Variants in XPC observed in about 807,000 individuals in gnomAD.
XPC encodes the protein DNA repair protein complementing XP-C cells.
A neutral mutation model predicts 95.8 loss-of-function variants in XPC; 76 were observed. The observed-to-expected ratio is 0.79, with a 90% confidence interval of 0.66 to 0.96. XPC has a LOEUF of 0.96. XPC is among the 40% of genes least tolerant of loss of function. The pLI, the probability that XPC is intolerant of heterozygous loss-of-function variation, is 0.00. For missense variants in XPC, 1,146 were observed against 1,179.8 expected (o/e 0.97, Z 0.42); for synonymous variants, 442 against 442.1 (o/e 1.00, Z 0.00).
At chr3:14,165,955 G>A (rs1331870690) in intron 5 of XPC, 1 of 261,920 alleles carries the variant, frequency 3.8e-6, no homozygotes, top group Non-Finnish European at 7.7e-6. Flanking sequence ...AAAGGCAAGT[G>A]GAGTGGAGCT....
intron 15 of XPC, 104 bp from the exon 16 acceptor site, chr3:14,146,263 T>A: frequency 9.2e-7 from 1 of 1,089,520 alleles, no homozygotes; most frequent in Non-Finnish European, 1.3e-6. Context: ...CTAAGCTGTG[T>A]AACTCTGGGA....
At chr3:14,147,470 T>C (rs915639953) in intron 14 of XPC, 91 bp from the exon 15 acceptor site, 1 of 1,219,422 alleles carries the variant, frequency 8.2e-7, no homozygotes, top group East Asian at 2.5e-5. Flanking sequence ...TAAAGACAGA[T>C]ATATACACCA....
At chr3:14,150,716 T>C (rs947535235) in intron 11 of XPC, among the ~76,000 whole-genome samples, 13 of 152,152 alleles carry the variant, frequency 8.5e-5, no homozygotes, top group Admixed American at 2.6e-4. Flanking sequence ...AGGCAAGCCA[T>C]TGCCCAGCCC....
intron 10 of XPC, chr3:14,152,694 G>A (rs1029278658): frequency 5.5e-6 from 2 of 364,068 alleles, no homozygotes; most frequent in Non-Finnish European, 5.0e-6. Flanking sequence ...CTTCTCCTCT[G>A]CTGTCCAGAG....
At chr3:14,169,801 A>G (rs1452777407) in intron 3 of XPC, among the ~76,000 whole-genome samples, 1 of 152,212 alleles carries the variant, frequency 6.6e-6, no homozygotes, top group Non-Finnish European at 1.5e-5. Context: ...AATGTTAATG[A>G]ACCTAGGTGA....
At chr3:14,159,260 T>G (rs1421757700) in intron 8 of XPC, among the ~76,000 whole-genome samples, 1 of 152,236 alleles carries the variant, frequency 6.6e-6, no homozygotes, top group African/African-American at 2.4e-5. Context: ...ACTACCCACC[T>G]TGGACATACG....
chr3:14,172,400 G>C (rs1418083185), intron 2 of XPC, among the ~76,000 whole-genome samples: 1 of 152,192 alleles, frequency 6.6e-6, no homozygotes, highest in Non-Finnish European at 1.5e-5. Context: ...GCATCTTCAA[G>C]ATGGAAGCCA....
chr3:14,150,766 C>T (rs1366256364), intron 11 of XPC, among the ~76,000 whole-genome samples: 1 of 152,188 alleles, frequency 6.6e-6, no homozygotes, highest in East Asian at 1.9e-4. Flanking sequence ...CAAAACAGGT[C>T]CCGCCTGAGC....
At position 14,178,485 on chromosome 3, in the gene XPC, C is replaced by T. The variant is rs1159124803; in HGVS notation, c.84G>A (p.Arg28=). Residue 28 remains arginine (R), a synonymous_variant, in exon 1 of 16, where the codon CGG becomes CGA. Transcript: ENST00000285021. Reference sequence around the variant, plus strand: ...TCTCACCCTCCTCCTCCTCCTCACGCCGGGCCTTGCTCTTGGCCTTGGATT... The same window carrying T: ...TCTCACCCTCCTCCTCCTCCTCACGTCGGGCCTTGCTCTTGGCCTTGGATT... The part of the protein sequence containing the change: ...SQKSKAKSKA[R]REEEEEDAFE... 1.2e-6 allele frequency: 2 copies of T among 1,611,310 alleles called. No individual in the cohort carries two copies. The highest frequency in any genetic ancestry group is 2.2e-5 in the East Asian group (1 of 44,868).
chr3:14,158,794 G>T lies in XPC; in HGVS notation c.1089C>A (p.Ser363Arg). The part of the protein sequence containing the change: ...VLENHTKPKT[S>R]KGTKQEETFA... ...AGGTTTCCTCTTGTTTGGTTCCTTT[G>T]CTGGTCTTTGGTTTGGTGTGGTTTT... is the stretch of plus-strand genomic sequence containing the variant. The change falls in exon 9 of 16, where the codon AGC becomes AGA. Residue 363 changes from serine to arginine, a missense_variant. Ser to Arg is a moderately radical substitution (Grantham distance 110). Coordinates refer to ENST00000285021, the MANE Select transcript of XPC (RefSeq NM_004628.5). This position sits in a 1 kb window ranked among gnomAD's most constrained non-coding sequence, Gnocchi z 5.2. 6.2e-7 allele frequency: 1 copy of T among 1,613,914 alleles called. No homozygotes were observed.
chr3:14,159,152 C>A (rs1417605467), intron 8 of XPC, among the ~76,000 whole-genome samples: 1 of 152,146 alleles, frequency 6.6e-6, no homozygotes, highest in Non-Finnish European at 1.5e-5. Context: ...GGGATTTGGA[C>A]AGCCAAACAT....
In XPC at chr3:14,158,143, A is replaced by G; in HGVS notation, c.1740T>C (p.Asp580=). 6.2e-7 allele frequency: 1 copy of G among 1,613,904 alleles called. No homozygotes were observed. The highest frequency in any genetic ancestry group is 8.5e-7 in the Non-Finnish European group (1 of 1,179,876). ...VGIDSDGWVR[D]VTQRYDPVWM... is the part of the protein sequence containing the mutation. ...AGACTGGGTCGTACCTCTGTGTGAC[A>G]TCTCGGACCCAGCCGTCACTGTCAA... The change falls in exon 9 of 16, where the codon GAT becomes GAC. Residue 580 remains aspartate (D), a synonymous_variant. Transcript: ENST00000285021. This position sits in a 1 kb window ranked among gnomAD's most constrained non-coding sequence, Gnocchi z 5.2.
rs1196212809 is a variant in XPC at position 14,148,499 on chromosome 3, C to T, written c.2420+63G>A. 10 of 1,585,040 alleles carry T rather than the reference C, an allele frequency of 6.3e-6. No individual in the cohort carries two copies. The East Asian group carries it at 1.1e-4, about 18-fold the overall frequency. The stretch of plus-strand genomic sequence containing the variant: ...GCAGCCCCATGCCAGCTTTCCATCC[C>T]CATCTCTGGAGCCACCCCTCCCCAT... On this transcript the variant is annotated intron_variant, in intron 13 of 15. Coordinates refer to ENST00000285021, the MANE Select transcript of XPC (RefSeq NM_004628.5).
In XPC at chr3:14,158,628, C is replaced by T. The variant is rs1696036090; in HGVS notation, c.1255G>A (p.Gly419Ser). 1 of 1,613,898 alleles carries T rather than the reference C, an allele frequency of 6.2e-7. No individual in the cohort carries two copies. The highest frequency in any genetic ancestry group is 2.2e-5 in the East Asian group (1 of 44,820). ...QEKATQRRPHGRERRVASRVS... is the reference protein window; with the variant it reads ...QEKATQRRPHSRERRVASRVS... ...CTGGAGGCCACCCGCCGCTCCCGGC[C>T]ATGCGGACGTCGCTGGGTTGCCTTC... Residue 419 changes from glycine (G) to serine (S), a missense_variant, in exon 9 of 16, where the codon GGC becomes AGC. By Grantham distance (56) the Gly-to-Ser change is moderately conservative. Coordinates refer to ENST00000285021, the MANE Select transcript of XPC (RefSeq NM_004628.5). This position sits in a 1 kb window ranked among gnomAD's most constrained non-coding sequence, Gnocchi z 5.2.
chr3:14,152,419 G>C lies in XPC; in HGVS notation c.2034-3C>G. ...AATGCAGAGTGTGCACACAATCCCT[G>C]TGGAACCAACACAGGACACAAAGGT... On this transcript the variant is annotated splice_polypyrimidine_tract_variant and splice_region_variant and intron_variant, in intron 10 of 15. Transcript: ENST00000285021. 1 of 1,609,592 alleles carries C rather than the reference G, an allele frequency of 6.2e-7. No individual in the cohort carries two copies. The highest frequency in any genetic ancestry group is 8.5e-7 in the Non-Finnish European group (1 of 1,177,980).
At position 14,166,346 on chromosome 3, in the gene XPC, C is replaced by T. The variant is rs547217351; in HGVS notation, c.622-761G>A. 4.6e-5 allele frequency among the ~76,000 whole-genome samples: 7 copies of T among 152,232 alleles called. No homozygotes were observed. The South Asian group carries it at 1.0e-3, about 23-fold the overall frequency. On this transcript the variant is annotated intron_variant, in intron 5 of 15. Coordinates refer to ENST00000285021, the MANE Select transcript of XPC (RefSeq NM_004628.5). ...TGAAAGGCACACAGCTGTCTCGTTT[C>T]GTGCCCCAGGCCTGGGTGAGGGAGG...
chr3:14,153,429 A>T (rs936930668), intron 10 of XPC: 3 of 152,230 alleles, frequency 2.0e-5, no homozygotes, highest in Non-Finnish European at 4.4e-5. Context: ...TTCGGTATTC[A>T]ATAAACTACA....
intron 11 of XPC, chr3:14,151,259 TCTC>T (rs1297308499): frequency 2.0e-5 from 3 of 152,192 alleles, no homozygotes; most frequent in African/African-American, 7.2e-5. Flanking sequence ...GATTTAAATA[TCTC>T]ATCAACACTT....
At chr3:14,173,941 T>C (rs1299398974) in intron 1 of XPC, among the ~76,000 whole-genome samples, 2 of 152,172 alleles carry the variant, frequency 1.3e-5, no homozygotes, top group Admixed American at 6.5e-5. Context: ...GGGATTGCAA[T>C]ATTAACCTAA....
Sources: gnomAD v4.1 joint callset for allele counts (sites outside exome capture counted in the v4.1 genomes callset) on GRCh38, gnomAD v4.1.1 for gene constraint, Gnocchi (gnomAD v3.1) non-coding constraint, MANE v1.5 for transcripts, NCBI Gene and HGNC (gene_info 2026-07-23, HGNC 2026-07-21) for gene names.